Variants in ACSM3 observed in about 807,000 individuals in gnomAD.
ACSM3 encodes the protein acyl-CoA synthetase medium chain family member 3.
A neutral mutation model predicts 74.1 loss-of-function variants in ACSM3; 61 were observed. The ratio of observed to expected loss-of-function variants is 0.82; its 90% confidence interval spans 0.67 to 1.02. The LOEUF (loss-of-function observed/expected upper bound fraction) is 1.02. Among genes scored for constraint, ACSM3 ranks in the 50% least tolerant of loss-of-function variants. The pLI is 0.00. For synonymous variants in ACSM3, 213 were observed against 241.5 expected (o/e 0.88, Z 1.09); for missense variants, 660 against 697.0 (o/e 0.95, Z 0.60).
At chr16:20,700,637 A>G (rs993862617) in intron 1 of ACSM3, among the ~76,000 whole-genome samples, 1 of 151,868 alleles carries the variant, frequency 6.6e-6, no homozygotes, top group Non-Finnish European at 1.5e-5. Context: ...GAGACATGCC[A>G]TTAAGGATCT....
At position 20,723,893 on chromosome 16, in the gene ACSM3, C is replaced by A. The variant is rs2079795365; in HGVS notation, c.-189-26017C>A. Reference sequence around the variant, plus strand: ...GAAGCTCTTTAGTTTAATTAGATCCCATTTGTCAATGTTGGCTTTTGTTGC... The same window carrying A: ...GAAGCTCTTTAGTTTAATTAGATCCAATTTGTCAATGTTGGCTTTTGTTGC... On this transcript the variant is annotated intron_variant, in intron 1 of 3. Transcript: ENST00000561584. Among the ~76,000 whole-genome samples the A allele has an allele frequency of 5.3e-5, 8 of 152,266 alleles. No individual in the cohort carries two copies. The South Asian group carries it at 1.7e-3, about 32-fold the overall frequency.
At chr16:20,767,088 T>C (rs577764279) in intron 1 of ACSM3, among the ~76,000 whole-genome samples, 20 of 151,922 alleles carry the variant, frequency 1.3e-4, no homozygotes, top group Non-Finnish European at 2.8e-4. Context: ...TTTGAAGATA[T>C]TATGCGAAAA....
intron 1 of ACSM3, chr16:20,741,960 C>T: frequency 1.3e-6 from 2 of 1,530,552 alleles, no homozygotes; most frequent in Non-Finnish European, 1.7e-6. Context: ...CGCCTCCCGA[C>T]TGCAACCTGA....
At chr16:20,779,480 T>C (rs2080305913) in intron 4 of ACSM3, among the ~76,000 whole-genome samples, 1 of 151,862 alleles carries the variant, frequency 6.6e-6, no homozygotes, top group African/African-American at 2.4e-5. Context: ...AGCTTTTCTA[T>C]ATTTCTCATG....
upstream of ACSM3, among the ~76,000 whole-genome samples, chr16:20,762,312 T>C (rs1334596044): frequency 2.6e-5 from 4 of 151,896 alleles, no homozygotes; most frequent in Middle Eastern, 3.4e-3. Flanking sequence ...AATAATGAGC[T>C]TAACATCAGA....
chr16:20,788,387 A>AC (rs905002161), intron 9 of ACSM3, among the ~76,000 whole-genome samples: 1 of 152,138 alleles, frequency 6.6e-6, no homozygotes, highest in African/African-American at 2.4e-5. Flanking sequence ...ACTGCAAGGT[A>AC]CCCCCACCTG....
chr16:20,761,689 A>G (rs1047566231), upstream of ACSM3, among the ~76,000 whole-genome samples: 2 of 152,190 alleles, frequency 1.3e-5, no homozygotes, highest in East Asian at 1.9e-4. Flanking sequence ...AATTGGTTGC[A>G]GTAGGTGCCA....
intron 1 of ACSM3, among the ~76,000 whole-genome samples, chr16:20,731,093 T>C (rs1037085429): frequency 6.6e-6 from 1 of 152,200 alleles, no homozygotes. Context: ...TTCAAACTCC[T>C]GAGCTTAAAC....
In ACSM3 at chr16:20,777,585, G is replaced by A. The variant is rs781577743; in HGVS notation, c.638+5G>A. ...GAACCTCAAGGAGTTGATGAAGTGA[G>A]TAGCCACACTTGTTGTAAAACAGCT... is the stretch of plus-strand genomic sequence containing the variant. On this transcript the variant is annotated splice_donor_5th_base_variant and intron_variant, in intron 4 of 13. Coordinates refer to ENST00000289416, the MANE Select transcript of ACSM3 (RefSeq NM_005622.4). 1.2e-6 allele frequency: 2 copies of A among 1,609,980 alleles called. No homozygotes were observed. Among genetic ancestry groups the A allele is most frequent in the African/African-American group, 1.3e-5 (1 of 74,844 alleles).
At chr16:20,710,739 T>A (rs989679693) in intron 1 of ACSM3, among the ~76,000 whole-genome samples, 27 of 152,146 alleles carry the variant, frequency 1.8e-4, no homozygotes, top group African/African-American at 5.3e-4. Flanking sequence ...TTGAGTGAAA[T>A]ATTGCTCATG....
At chr16:20,779,681 G>C (rs1235691901) in intron 4 of ACSM3, 1 of 152,190 alleles carries the variant, frequency 6.6e-6, no homozygotes, top group African/African-American at 2.4e-5. Flanking sequence ...TGGATGCTTA[G>C]ATCCTGTTCA....
At chr16:20,772,087 T>C (rs1402853854) in intron 2 of ACSM3, among the ~76,000 whole-genome samples, 1 of 152,154 alleles carries the variant, frequency 6.6e-6, no homozygotes, top group African/African-American at 2.4e-5. Flanking sequence ...AATTATTTGT[T>C]TTGTTTTGTT....
intron 6 of ACSM3, among the ~76,000 whole-genome samples, chr16:20,781,424 A>T (rs765483619): frequency 2.0e-5 from 3 of 152,216 alleles, no homozygotes; most frequent in Non-Finnish European, 4.4e-5. Flanking sequence ...AAATATATAC[A>T]TAGCATTTAC....
At chr16:20,742,365 G>A (rs1177660689) in intron 1 of ACSM3, among the ~76,000 whole-genome samples, 1 of 152,138 alleles carries the variant, frequency 6.6e-6, no homozygotes, top group African/African-American at 2.4e-5. Context: ...ATTACAAAAA[G>A]AGCCAGGGTC....
At position 20,721,424 on chromosome 16, in the gene ACSM3, G is replaced by A. The variant is rs149348497; in HGVS notation, c.-189-28486G>A. The A allele has an allele frequency of 2.6e-5, 4 of 152,290 alleles. No homozygotes were observed. In the East Asian group the frequency reaches 7.7e-4, roughly 29 times the overall value. The allele number at this position is 152,290 out of a possible 1,614,324, so 9.4% of individuals were successfully genotyped here. ...GTTTTGTGTTAGGGTGCAGATTGCT[G>A]TAAATAGGGTAGTAATAGCCCTGAG... On this transcript the variant is annotated intron_variant, in intron 1 of 3. Transcript: ENST00000561584.
chr16:20,786,063 C>A lies in ACSM3; in HGVS notation c.1144-15C>A. On this transcript the variant is annotated splice_polypyrimidine_tract_variant and intron_variant, in intron 8 of 13. Transcript: ENST00000289416. ...GACTTGTAATGTTATCTTACTTTTT[C>A]TTCTTCTTAACTAGGTGCTAATCTG... 2 of 1,488,124 alleles carry A rather than the reference C, an allele frequency of 1.3e-6. No individual in the cohort carries two copies. The highest frequency in any genetic ancestry group is 1.8e-6 in the Non-Finnish European group (2 of 1,099,740). 92.2% of individuals were successfully genotyped at this position (1,488,124 alleles called of 1,614,324 possible). A position where few individuals can be genotyped will look rare whatever the true frequency, so the allele number is the denominator to read the frequency against.
upstream of ACSM3, among the ~76,000 whole-genome samples, chr16:20,760,135 A>G (rs2080065291): frequency 6.6e-6 from 1 of 152,190 alleles, no homozygotes; most frequent in Non-Finnish European, 1.5e-5. Flanking sequence ...ATAAGATCCA[A>G]ATTCTAAAAT....
intron 1 of ACSM3, among the ~76,000 whole-genome samples, chr16:20,731,127 A>G (rs1330670705): frequency 6.6e-6 from 1 of 152,154 alleles, no homozygotes; most frequent in Non-Finnish European, 1.5e-5. Flanking sequence ...TGGCCTCCCA[A>G]TGTTGTGGGA....
intron 3 of ACSM3, among the ~76,000 whole-genome samples, chr16:20,758,253 C>T (rs1262305880): frequency 6.6e-6 from 1 of 152,206 alleles, no homozygotes; most frequent in African/African-American, 2.4e-5. Flanking sequence ...GGCTGTGAAT[C>T]CATCTGGTCC....
Sources: gnomAD v4.1 joint callset for allele counts (sites outside exome capture counted in the v4.1 genomes callset) on GRCh38, gnomAD v4.1.1 for gene constraint, MANE v1.5 for transcripts, NCBI Gene and HGNC (gene_info 2026-07-23, HGNC 2026-07-21) for gene names.